TBC1D1: variants seen among roughly 807,000 people sequenced by gnomAD.
TBC1D1 encodes TBC1 (tre-2/USP6, BUB2, cdc16) domain family, member 1.
TBC1D1 carries 89 observed loss-of-function variants against 125.6 expected under a neutral mutation model. That is an observed-to-expected ratio of 0.71 (90% CI 0.60 to 0.85). TBC1D1 has a LOEUF of 0.85. TBC1D1 is among the 40% of genes least tolerant of loss of function. The pLI, the probability that TBC1D1 is intolerant of heterozygous loss-of-function variation, is 0.00. For synonymous variants in TBC1D1, 565 were observed against 564.1 expected (o/e 1.00, Z -0.02); for missense variants, 1,377 against 1,469.2 (o/e 0.94, Z 1.03).
chr4:37,955,183 G>A (rs899888596), intron 2 of TBC1D1, among the ~76,000 whole-genome samples: 3 of 151,964 alleles, frequency 2.0e-5, no homozygotes, highest in African/African-American at 4.8e-5. Context: ...ATAAATTTAA[G>A]AAACTATAAA....
At chr4:37,971,003 GC>G (rs1300463399) in intron 2 of TBC1D1, among the ~76,000 whole-genome samples, 1 of 152,020 alleles carries the variant, frequency 6.6e-6, no homozygotes, top group Non-Finnish European at 1.5e-5. Context: ...AGGTTTTGCC[GC>G]CCTTGCTTCT....
At chr4:38,082,848 G>A (rs951562681) in intron 12 of TBC1D1, among the ~76,000 whole-genome samples, 1 of 152,072 alleles carries the variant, frequency 6.6e-6, no homozygotes, top group Admixed American at 6.6e-5. Context: ...TAACCAGACT[G>A]AGTCAGGACT....
chr4:38,080,531 A>G (rs1036982743), intron 12 of TBC1D1, among the ~76,000 whole-genome samples: 2 of 152,178 alleles, frequency 1.3e-5, no homozygotes, highest in African/African-American at 4.8e-5. Flanking sequence ...CCCGTGGGGA[A>G]CTACTTGCAG....
intron 19 of TBC1D1, among the ~76,000 whole-genome samples, chr4:38,134,580 T>C (rs950001218): frequency 6.6e-6 from 1 of 152,222 alleles, no homozygotes; most frequent in African/African-American, 2.4e-5. Flanking sequence ...CCCTGAAATA[T>C]AACATGGTGG....
At chr4:38,059,974 T>C (rs1321642176) in intron 12 of TBC1D1, among the ~76,000 whole-genome samples, 1 of 152,132 alleles carries the variant, frequency 6.6e-6, no homozygotes, top group Non-Finnish European at 1.5e-5. Flanking sequence ...AAACATGTGG[T>C]GTTTGGTTTT....
chr4:38,071,289 GTGT>G (rs1754662675), intron 12 of TBC1D1, among the ~76,000 whole-genome samples: 2 of 152,226 alleles, frequency 1.3e-5, no homozygotes, highest in Admixed American at 1.3e-4. Context: ...CAAAAGCACT[GTGT>G]TGCCTAATGC....
chr4:37,964,496 C>A (rs1422960905), intron 2 of TBC1D1, among the ~76,000 whole-genome samples: 1 of 152,234 alleles, frequency 6.6e-6, no homozygotes, highest in African/African-American at 2.4e-5. Flanking sequence ...GCACTGAGGT[C>A]AGGGTTTTCC....
chr4:38,036,151 C>T (rs900705926), intron 8 of TBC1D1, among the ~76,000 whole-genome samples: 2 of 152,214 alleles, frequency 1.3e-5, no homozygotes, highest in East Asian at 3.8e-4. Flanking sequence ...GACTTATGTG[C>T]TATTCAGGTT....
intron 15 of TBC1D1, among the ~76,000 whole-genome samples, chr4:38,112,536 C>A (rs1762365100): frequency 2.0e-5 from 3 of 152,158 alleles, no homozygotes; most frequent in African/African-American, 7.2e-5. Flanking sequence ...ACTCTGCAAA[C>A]TATGTGTTCT....
At chr4:37,937,089 C>T (rs17497095) in intron 2 of TBC1D1, among the ~76,000 whole-genome samples, 9,368 of 152,254 alleles carry the variant, frequency 0.062, 363 homozygotes, top group South Asian at 0.14. Flanking sequence ...AAGGGCAACA[C>T]GCTGGCACTG....
chr4:38,097,769 C>T (rs1759617987), intron 14 of TBC1D1, among the ~76,000 whole-genome samples: 1 of 152,170 alleles, frequency 6.6e-6, no homozygotes, highest in Non-Finnish European at 1.5e-5. Context: ...TGAGCCACTG[C>T]ACCCGGCCTG....
chr4:38,053,231 G>T lies in TBC1D1; in HGVS notation c.1911-968G>T. 2 of 1,497,850 alleles carry T rather than the reference G, an allele frequency of 1.3e-6. No homozygotes were observed. Among genetic ancestry groups the T allele is most frequent in the Non-Finnish European group, 1.8e-6 (2 of 1,125,610 alleles). 92.8% of individuals were successfully genotyped at this position (1,497,850 alleles called of 1,614,324 possible). A position where few individuals can be genotyped will look rare whatever the true frequency, so the allele number is the denominator to read the frequency against. ...GATTTTATGAACACAAAAAGGTAGGGCTTAATTTAGATATATCAAGCCTGG... is the reference window on the plus strand; with the variant it reads ...GATTTTATGAACACAAAAAGGTAGGTCTTAATTTAGATATATCAAGCCTGG... On this transcript the variant is annotated intron_variant, in intron 11 of 19. Coordinates refer to ENST00000261439, the MANE Select transcript of TBC1D1 (RefSeq NM_015173.4).
chr4:38,096,509 G>A (rs1240063750), intron 14 of TBC1D1, among the ~76,000 whole-genome samples: 2 of 152,220 alleles, frequency 1.3e-5, no homozygotes, highest in Non-Finnish European at 2.9e-5. Context: ...ACTTTGCAGT[G>A]TGATCTTAGA....
At chr4:37,958,286 T>C (rs1444992114) in intron 2 of TBC1D1, among the ~76,000 whole-genome samples, 1 of 152,230 alleles carries the variant, frequency 6.6e-6, no homozygotes, top group Non-Finnish European at 1.5e-5. Flanking sequence ...CATTTTCATC[T>C]CTAACCAATA....
chr4:37,932,203 C>T (rs931535995), intron 2 of TBC1D1, among the ~76,000 whole-genome samples: 1 of 152,166 alleles, frequency 6.6e-6, no homozygotes, highest in African/African-American at 2.4e-5. Context: ...TTGGCCTTTA[C>T]AAAAATAGCT....
intron 14 of TBC1D1, among the ~76,000 whole-genome samples, chr4:38,101,913 T>C (rs1760406383): frequency 6.6e-6 from 1 of 152,136 alleles, no homozygotes; most frequent in South Asian, 2.1e-4. Flanking sequence ...TCCTTTTCCC[T>C]CATCCTTAAG....
At chr4:38,126,731 T>C (rs1410895686) in intron 18 of TBC1D1, among the ~76,000 whole-genome samples, 2 of 152,102 alleles carry the variant, frequency 1.3e-5, no homozygotes, top group African/African-American at 4.8e-5. Context: ...ATACGCATGA[T>C]CCCATTCAGT....
chr4:38,108,074 A>G (rs1761631030), intron 15 of TBC1D1, among the ~76,000 whole-genome samples: 1 of 152,156 alleles, frequency 6.6e-6, no homozygotes, highest in Admixed American at 6.5e-5. Flanking sequence ...CCATTTGTCC[A>G]GCCCTCAGAC....
At chr4:38,024,634 A>G (rs970288193) in intron 6 of TBC1D1, among the ~76,000 whole-genome samples, 3 of 152,250 alleles carry the variant, frequency 2.0e-5, no homozygotes, top group Non-Finnish European at 2.9e-5. Flanking sequence ...ACTCATTTCT[A>G]AAAGTGTAGA....
Sources: allele counts gnomAD v4.1 joint callset (sites outside exome capture counted in the v4.1 genomes callset), GRCh38; gene constraint gnomAD v4.1.1; transcripts MANE v1.5; gene names NCBI Gene and HGNC (gene_info 2026-07-23, HGNC 2026-07-21).